The following SDK1 variants were observed in gnomAD, a reference collection of about 807,000 sequenced individuals.
The protein encoded by SDK1 is sidekick cell adhesion molecule 1.
A neutral mutation model predicts 245.5 loss-of-function variants in SDK1; 157 were observed. That is an observed-to-expected ratio of 0.64 (90% CI 0.56 to 0.73). The LOEUF (loss-of-function observed/expected upper bound fraction) is 0.73, where lower values mean the gene tolerates loss of function less well. Ranked by LOEUF, SDK1 falls within the 30% of genes least tolerant of loss-of-function variation. The pLI is 0.00. For synonymous variants in SDK1, 1,647 were observed against 1,278.5 expected (o/e 1.29, Z -6.15); for missense variants, 3,583 against 3,002.3 (o/e 1.19, Z -4.52).
chr7:3,462,993 C>T (rs1321602288), intron 1 of SDK1, among the ~76,000 whole-genome samples: 1 of 152,172 alleles, frequency 6.6e-6, no homozygotes, highest in African/African-American at 2.4e-5. Context: ...TTGGCAGCTC[C>T]CCCGTGTGTT....
intron 4 of SDK1, among the ~76,000 whole-genome samples, chr7:3,688,600 C>T (rs1459549306): frequency 6.6e-6 from 1 of 152,214 alleles, no homozygotes; most frequent in Non-Finnish European, 1.5e-5. Context: ...GTCTTTGTTT[C>T]TAACAGCATG....
chr7:4,185,158 G>A (rs979158393), intron 35 of SDK1, among the ~76,000 whole-genome samples: 1 of 152,198 alleles, frequency 6.6e-6, no homozygotes, highest in Admixed American at 6.5e-5. Flanking sequence ...TCAGAAGAAG[G>A]GGACTCGGGC....
At chr7:3,874,687 A>G (rs1781033037) in intron 5 of SDK1, among the ~76,000 whole-genome samples, 3 of 151,946 alleles carry the variant, frequency 2.0e-5, no homozygotes, top group South Asian at 4.2e-4. Context: ...TTTCTCCTGC[A>G]TAGTAAGGCT....
intron 1 of SDK1, among the ~76,000 whole-genome samples, chr7:3,318,642 C>G (rs1019745833): frequency 6.6e-6 from 1 of 152,162 alleles, no homozygotes; most frequent in African/African-American, 2.4e-5. Flanking sequence ...TATCTTCTCT[C>G]CTACTTACCT....
chr7:4,213,929 G>A (rs551865848), intron 38 of SDK1, among the ~76,000 whole-genome samples: 49 of 152,252 alleles, frequency 3.2e-4, no homozygotes, highest in East Asian at 1.7e-3. Context: ...CTATACACAG[G>A]CACCCCCCAG....
At chr7:3,730,957 A>G (rs1779158624) in intron 4 of SDK1, among the ~76,000 whole-genome samples, 2 of 152,178 alleles carry the variant, frequency 1.3e-5, no homozygotes, top group African/African-American at 4.8e-5. Flanking sequence ...GACAGCTTTC[A>G]TTTTGAAAAT....
chr7:3,821,472 C>T lies in SDK1; in HGVS notation c.736C>T (p.Leu246=). The T allele has an allele frequency of 1.2e-6, 2 of 1,613,484 alleles. No homozygotes were observed. The highest frequency in any genetic ancestry group is 1.7e-6 in the Non-Finnish European group (2 of 1,179,726). ...CAGAGCCATCACATTGGAGAATCAGCTGGTGATCCTCGCCACCACAACCAG... is the reference window on the plus strand; with the variant it reads ...CAGAGCCATCACATTGGAGAATCAGTTGGTGATCCTCGCCACCACAACCAG... ...NRIAITLENQ[L]VILATTTSDA... is the part of the protein sequence containing the mutation. The change falls in exon 5 of 45, where the codon CTG becomes TTG. Residue 246 remains leucine, a synonymous_variant. Coordinates refer to ENST00000404826, the MANE Select transcript of SDK1 (RefSeq NM_152744.4).
intron 3 of SDK1, among the ~76,000 whole-genome samples, chr7:3,641,158 T>C (rs1782636282): frequency 6.6e-6 from 1 of 152,224 alleles, no homozygotes; most frequent in African/African-American, 2.4e-5. Context: ...AAGACATTGA[T>C]AATAGAGCAC....
intron 1 of SDK1, among the ~76,000 whole-genome samples, chr7:3,501,901 C>G (rs1338428400): frequency 5.3e-5 from 8 of 152,082 alleles, no homozygotes; most frequent in Admixed American, 5.2e-4. Context: ...GGAAATGTAA[C>G]TATTTGATTC....
chr7:3,549,403 A>G (rs986294133), intron 1 of SDK1, among the ~76,000 whole-genome samples: 1 of 152,246 alleles, frequency 6.6e-6, no homozygotes, highest in Admixed American at 6.5e-5. Context: ...TGATATACAT[A>G]GAATTCTTTG....
chr7:3,398,879 A>G (rs762182397), intron 1 of SDK1, among the ~76,000 whole-genome samples: 13 of 151,454 alleles, frequency 8.6e-5, no homozygotes, highest in Admixed American at 2.6e-4. Flanking sequence ...CCTCCTAGTA[A>G]GCTGTGATTT....
In SDK1 at chr7:3,351,421, G is replaced by T. The variant is rs140806774; in HGVS notation, c.298+49537G>T. On this transcript the variant is annotated intron_variant, in intron 1 of 44. Coordinates refer to ENST00000404826, the MANE Select transcript of SDK1 (RefSeq NM_152744.4). ...ATAGAGGAGGCAGGAAAAACAGAAA[G>T]CACACAATAACATGATAGCTATAAA... Among the ~76,000 whole-genome samples the T allele has an allele frequency of 1.6e-3, 248 of 152,142 alleles. 4 individuals are homozygous for T. The highest frequency in any genetic ancestry group is 3.5e-4 in the Non-Finnish European group (24 of 67,970).
intron 4 of SDK1, among the ~76,000 whole-genome samples, chr7:3,651,055 C>G (rs1782998345): frequency 6.6e-6 from 1 of 150,942 alleles, no homozygotes; most frequent in Non-Finnish European, 1.5e-5. Context: ...GAACATAAGA[C>G]TTCATTGTGT....
chr7:3,793,583 T>C (rs140991170), intron 4 of SDK1, among the ~76,000 whole-genome samples: 5 of 152,338 alleles, frequency 3.3e-5, no homozygotes, highest in Non-Finnish European at 7.3e-5. Flanking sequence ...CCTTCTTGTG[T>C]CGATTCTATA....
chr7:3,443,572 A>G (rs938451567), intron 1 of SDK1, among the ~76,000 whole-genome samples: 1 of 152,214 alleles, frequency 6.6e-6, no homozygotes, highest in African/African-American at 2.4e-5. Context: ...TACAAAATCC[A>G]TAGTGCTAGC....
intron 4 of SDK1, among the ~76,000 whole-genome samples, chr7:3,735,288 C>G (rs535921191): frequency 2.9e-4 from 44 of 152,248 alleles, no homozygotes; most frequent in African/African-American, 9.9e-4. Flanking sequence ...CCTTGCGAAA[C>G]TGAAAATCTG....
At chr7:4,178,382 C>T (rs986296984) in intron 34 of SDK1, 103 bp from the exon 35 acceptor site, 1 of 838,770 alleles carries the variant, frequency 1.2e-6, no homozygotes, top group African/African-American at 1.7e-5. Context: ...GCCTCCTCTC[C>T]TTGGAGGGTG....
At chr7:3,455,404 C>G (rs1413769806) in intron 1 of SDK1, among the ~76,000 whole-genome samples, 2 of 140,890 alleles carry the variant, frequency 1.4e-5, no homozygotes, top group Admixed American at 1.4e-4. Context: ...TCTAAAAGTT[C>G]TATAGTTTTA....
At chr7:3,548,451 C>T (rs1158852227) in intron 1 of SDK1, among the ~76,000 whole-genome samples, 2 of 152,098 alleles carry the variant, frequency 1.3e-5, no homozygotes, top group Non-Finnish European at 2.9e-5. Context: ...TGCGAGATTA[C>T]GAGTCCCAAA....
Sources: gnomAD v4.1 joint callset for allele counts (sites outside exome capture counted in the v4.1 genomes callset) on GRCh38, gnomAD v4.1.1 for gene constraint, MANE v1.5 for transcripts, NCBI Gene and HGNC (gene_info 2026-07-23, HGNC 2026-07-21) for gene names.